The following LRMDA variants were observed in gnomAD, a reference collection of about 807,000 sequenced individuals.
LRMDA encodes the protein leucine rich melanocyte differentiation associated.
In LRMDA, 18 loss-of-function variants were observed where a neutral mutation model predicts 29.8. That is an observed-to-expected ratio of 0.60 (90% CI 0.42 to 0.90). The LOEUF (loss-of-function observed/expected upper bound fraction) is 0.90, where lower values mean the gene tolerates loss of function less well. Ranked by LOEUF, LRMDA falls within the 40% of genes least tolerant of loss-of-function variation. The pLI, the probability that LRMDA is intolerant of heterozygous loss-of-function variation, is 0.00. For missense variants in LRMDA, 273 were observed against 273.9 expected, an observed-to-expected ratio of 1.00 and a Z score of 0.02; for synonymous variants, 125 against 109.4, an observed-to-expected ratio of 1.14 and a Z score of -0.89.
chr10:75,466,140 T>C (rs1041724239), intron 2 of LRMDA, among the ~76,000 whole-genome samples: 29 of 152,232 alleles, frequency 1.9e-4, no homozygotes, highest in Admixed American at 1.3e-4. Flanking sequence ...TTGTGGGTGC[T>C]TGCCTGGCTT....
intron 5 of LRMDA, among the ~76,000 whole-genome samples, chr10:76,289,864 G>T (rs1214705965): frequency 2.6e-5 from 4 of 152,060 alleles, no homozygotes; most frequent in Admixed American, 2.0e-4. Flanking sequence ...ACACTTTTTG[G>T]GCAGGATTAT....
intron 5 of LRMDA, among the ~76,000 whole-genome samples, chr10:76,266,157 A>C (rs1307953897): frequency 1.3e-5 from 2 of 152,216 alleles, no homozygotes; most frequent in Non-Finnish European, 2.9e-5. Flanking sequence ...CGGGATAATA[A>C]AAAAGTGTGT....
At chr10:76,385,541 G>A (rs1180559392) in intron 6 of LRMDA, among the ~76,000 whole-genome samples, 1 of 152,186 alleles carries the variant, frequency 6.6e-6, no homozygotes, top group Non-Finnish European at 1.5e-5. Context: ...TCTAGTAGTA[G>A]TAAAAGAAGC....
chr10:76,037,830 G>A (rs1002263316), intron 3 of LRMDA, among the ~76,000 whole-genome samples: 6 of 152,162 alleles, frequency 3.9e-5, no homozygotes, highest in African/African-American at 1.2e-4. Flanking sequence ...TGAATTTGAG[G>A]GAAGAACAAA....
chr10:75,861,454 G>A (rs1310942900), intron 2 of LRMDA, among the ~76,000 whole-genome samples: 2 of 152,252 alleles, frequency 1.3e-5, no homozygotes, highest in Admixed American at 1.3e-4. Context: ...AAGAGGCAGA[G>A]TGGGACTGGC....
intron 2 of LRMDA, among the ~76,000 whole-genome samples, chr10:76,035,144 CTT>C (rs1848219473): frequency 6.7e-6 from 1 of 149,352 alleles, no homozygotes; most frequent in South Asian, 2.1e-4. Flanking sequence ...TTTCTGTTGC[CTT>C]TTTATTTACT....
At chr10:76,396,203 G>T (rs1253407826) in intron 6 of LRMDA, among the ~76,000 whole-genome samples, 1 of 152,170 alleles carries the variant, frequency 6.6e-6, no homozygotes, top group Middle Eastern at 3.2e-3. Context: ...AACTAGAAAC[G>T]CTACATGGTA....
intron 6 of LRMDA, among the ~76,000 whole-genome samples, chr10:76,339,697 C>CA (rs568084312): frequency 4.0e-5 from 6 of 150,888 alleles, no homozygotes; most frequent in South Asian, 2.1e-4. Context: ...AATAATGAGA[C>CA]AAAAAAAACC....
chr10:75,905,541 CAA>C (rs879522237), intron 2 of LRMDA, among the ~76,000 whole-genome samples: 3 of 142,066 alleles, frequency 2.1e-5, no homozygotes, highest in East Asian at 2.0e-4. Flanking sequence ...ACATGTATAC[CAA>C]AAAAAAAAAG....
chr10:76,213,121 A>T (rs12219156), intron 5 of LRMDA, among the ~76,000 whole-genome samples: 23,267 of 152,238 alleles, frequency 0.15, 2,491 homozygotes, highest in East Asian at 0.52. Flanking sequence ...CCATCACTTG[A>T]AGTCTTTAGT....
intron 6 of LRMDA, among the ~76,000 whole-genome samples, chr10:76,541,851 C>T (rs140559969): frequency 1.1e-4 from 16 of 152,240 alleles, no homozygotes; most frequent in Middle Eastern, 3.4e-3. Flanking sequence ...CTTCCCTGTC[C>T]TTACGCCGCA....
chr10:75,464,196 C>G (rs1235136594), intron 2 of LRMDA, among the ~76,000 whole-genome samples: 1 of 152,210 alleles, frequency 6.6e-6, no homozygotes, highest in African/African-American at 2.4e-5. Flanking sequence ...TTCTCTAGTT[C>G]TCTGGGGCTG....
chr10:75,456,706 T>C (rs1435160985), intron 2 of LRMDA, among the ~76,000 whole-genome samples: 1 of 152,220 alleles, frequency 6.6e-6, no homozygotes, highest in Non-Finnish European at 1.5e-5. Context: ...AAAAAGAGCT[T>C]GCTCTTTCGC....
intron 2 of LRMDA, among the ~76,000 whole-genome samples, chr10:75,572,367 C>T (rs958732466): frequency 6.6e-5 from 10 of 150,966 alleles, no homozygotes; most frequent in South Asian, 2.1e-4. Context: ...GTGCAGTTAT[C>T]GCCATTTACC....
chr10:75,857,794 T>G (rs941780071), intron 2 of LRMDA, among the ~76,000 whole-genome samples: 2 of 152,168 alleles, frequency 1.3e-5, no homozygotes, highest in African/African-American at 4.8e-5. Flanking sequence ...TGGGGTAAAA[T>G]GACCGCATGA....
At chr10:75,605,827 C>T (rs1281570105) in intron 2 of LRMDA, among the ~76,000 whole-genome samples, 1 of 152,140 alleles carries the variant, frequency 6.6e-6, no homozygotes, top group African/African-American at 2.4e-5. Context: ...ACTGAGTACT[C>T]TCTTGCCGTC....
chr10:75,901,466 CAT>C (rs1171738819), intron 2 of LRMDA, among the ~76,000 whole-genome samples: 4 of 152,240 alleles, frequency 2.6e-5, no homozygotes, highest in Non-Finnish European at 5.9e-5. Context: ...GATAAGAAGA[CAT>C]GTGTGTGTCT....
chr10:76,103,759 T>C (rs1267219049), intron 5 of LRMDA, among the ~76,000 whole-genome samples: 1 of 152,158 alleles, frequency 6.6e-6, no homozygotes, highest in African/African-American at 2.4e-5. Flanking sequence ...GCCCTTAGGT[T>C]AAAAATTCCG....
chr10:75,846,714 A>G (rs1474115914), intron 2 of LRMDA, among the ~76,000 whole-genome samples: 1 of 152,194 alleles, frequency 6.6e-6, no homozygotes, highest in Non-Finnish European at 1.5e-5. Context: ...AAATGATACC[A>G]AAAACAAACC....
Sources: allele counts gnomAD v4.1 joint callset (sites outside exome capture counted in the v4.1 genomes callset), GRCh38; gene constraint gnomAD v4.1.1; transcripts MANE v1.5; gene names NCBI Gene and HGNC (gene_info 2026-07-23, HGNC 2026-07-21).